The following AHRR variants were observed in gnomAD, a reference collection of about 807,000 sequenced individuals.
AHRR encodes the protein ahR repressor.
AHRR carries 28 observed loss-of-function variants against 44.0 expected under a neutral mutation model. The ratio of observed to expected loss-of-function variants is 0.64; its 90% CI spans 0.47 to 0.87. AHRR has a LOEUF of 0.87. Ranked by LOEUF, AHRR falls within the 40% of genes least tolerant of loss-of-function variation. AHRR has a pLI of 0.00. For synonymous variants in AHRR, 434 were observed against 407.0 expected (o/e 1.07, Z -0.80); for missense variants, 990 against 953.9 (o/e 1.04, Z -0.50).
chr5:366,612 G>A (rs1041650127), intron 3 of AHRR, among the ~76,000 whole-genome samples: 1 of 152,128 alleles, frequency 6.6e-6, no homozygotes, highest in Non-Finnish European at 1.5e-5. Flanking sequence ...GGATGAGACA[G>A]GATTTTTGTA....
intron 4 of AHRR, among the ~76,000 whole-genome samples, chr5:392,498 A>AG (rs1272538287): frequency 6.6e-6 from 1 of 152,144 alleles, no homozygotes; most frequent in African/African-American, 2.4e-5. Flanking sequence ...AGGTGGGTGC[A>AG]GATGTGGCAG....
chr5:368,871 G>A (rs767243908), intron 3 of AHRR, among the ~76,000 whole-genome samples: 35 of 152,238 alleles, frequency 2.3e-4, no homozygotes, highest in Non-Finnish European at 4.0e-4. Context: ...CTGTGAGGAA[G>A]TGTGAAATCT....
chr5:430,952 C>T (rs538094941), intron 8 of AHRR, among the ~76,000 whole-genome samples: 1 of 152,002 alleles, frequency 6.6e-6, no homozygotes, highest in East Asian at 1.9e-4. Flanking sequence ...CATAGGTGCA[C>T]AGAAAAGGAC....
At chr5:391,122 T>G (rs1318894955) in intron 4 of AHRR, among the ~76,000 whole-genome samples, 2 of 152,186 alleles carry the variant, frequency 1.3e-5, no homozygotes, top group African/African-American at 2.4e-5. Context: ...CAACTGAGAC[T>G]TGGGGGCTCC....
intron 4 of AHRR, among the ~76,000 whole-genome samples, chr5:400,197 C>G (rs182026417): frequency 6.6e-6 from 1 of 152,260 alleles, no homozygotes; most frequent in African/African-American, 2.4e-5. Flanking sequence ...CTCATTTTCC[C>G]TCTGCCATGA....
chr5:352,445 G>T, intron 2 of AHRR, among the ~76,000 whole-genome samples: 1 of 145,394 alleles, frequency 6.9e-6, no homozygotes, highest in Middle Eastern at 3.4e-3. Flanking sequence ...TCACTGTGAG[G>T]TTAAATGGGT....
rs991908489 is a variant in AHRR at position 337,258 on chromosome 5, T to C, written c.-10-6635T>C. On this transcript the variant is annotated intron_variant, in intron 1 of 10. Coordinates refer to ENST00000684583, the MANE Select transcript of AHRR (RefSeq NM_001377236.1). The surrounding 1 kb of genome is among the most constrained non-coding windows in gnomAD (Gnocchi z 4.1). The stretch of plus-strand genomic sequence containing the variant: ...CAACCCCAGCCCACTTAGACTCCAC[T>C]GTCCTCCCCACTTTATAGAGAAGCA... Among the ~76,000 whole-genome samples, 3 of 151,948 alleles carry C rather than the reference T, an allele frequency of 2.0e-5. No individual in the cohort carries two copies. Among genetic ancestry groups the C allele is most frequent in the African/African-American group, 7.3e-5 (3 of 41,182 alleles).
intron 4 of AHRR, among the ~76,000 whole-genome samples, chr5:412,169 T>C (rs1253827306): frequency 1.3e-5 from 2 of 152,172 alleles, no homozygotes; most frequent in African/African-American, 4.8e-5. Flanking sequence ...GATTTAATAA[T>C]CATGCAAATA....
At chr5:371,793 G>A (rs943266664) in intron 3 of AHRR, among the ~76,000 whole-genome samples, 1 of 152,196 alleles carries the variant, frequency 6.6e-6, no homozygotes, top group Non-Finnish European at 1.5e-5. Flanking sequence ...TTCCCTAGAG[G>A]GAGTCCTAAA....
chr5:429,993 A>G (rs573113075), intron 8 of AHRR, among the ~76,000 whole-genome samples: 68 of 152,256 alleles, frequency 4.5e-4, no homozygotes, highest in African/African-American at 1.5e-3. Flanking sequence ...TCCTCTGTGC[A>G]TGGACAGCCC....
chr5:426,567 G>A (rs1736403644), intron 7 of AHRR, among the ~76,000 whole-genome samples: 1 of 151,006 alleles, frequency 6.6e-6, no homozygotes, highest in South Asian at 2.1e-4. Flanking sequence ...GGATGAATGG[G>A]AAGATGGATG....
chr5:376,189 G>T (rs1433017173), intron 3 of AHRR, among the ~76,000 whole-genome samples: 1 of 152,092 alleles, frequency 6.6e-6, no homozygotes, highest in Non-Finnish European at 1.5e-5. Context: ...AGTGCCGTGG[G>T]TCTCAGGGGA....
chr5:345,354 C>G (rs1235840934), intron 2 of AHRR, among the ~76,000 whole-genome samples: 10 of 23,150 alleles, frequency 4.3e-4, no homozygotes, highest in Non-Finnish European at 6.3e-4. Context: ...GTGTGTGTGT[C>G]GGATGATGTC....
chr5:356,663 G>A (rs1207040365), intron 3 of AHRR, among the ~76,000 whole-genome samples: 1 of 5,198 alleles, frequency 1.9e-4, no homozygotes, highest in Non-Finnish European at 4.5e-4. Context: ...GAGCGCCCGC[G>A]AGTGGAGGCC....
intron 1 of AHRR, among the ~76,000 whole-genome samples, chr5:325,100 G>T (rs1166718150): frequency 1.3e-5 from 2 of 152,238 alleles, no homozygotes; most frequent in Admixed American, 1.3e-4. Context: ...ACTCGGAAGG[G>T]AGTTTGGGAT....
chr5:354,021 T>G, intron 3 of AHRR, 110 bp downstream of exon 3: 1 of 1,166,364 alleles, frequency 8.6e-7, no homozygotes, highest in East Asian at 2.4e-5. Flanking sequence ...TTGCACCATG[T>G]GCACTCCCTT....
Position 433,837 on chromosome 5 carries a change from C to T in AHRR, c.1113-16C>T, listed in dbSNP as rs2672724. On this transcript the variant is annotated splice_polypyrimidine_tract_variant and intron_variant, in intron 10 of 10. Coordinates refer to ENST00000684583, the MANE Select transcript of AHRR (RefSeq NM_001377236.1). ...TCTTCAGCTGCTGTCAAATGGGCCCCGTCTTTTCTCTGCAGGGACAGGGAG... is the reference window on the plus strand; with the variant it reads ...TCTTCAGCTGCTGTCAAATGGGCCCTGTCTTTTCTCTGCAGGGACAGGGAG... 590,761 of 1,475,628 alleles carry T rather than the reference C, an allele frequency of 0.4. 121,912 individuals are homozygous for T. Among genetic ancestry groups the T allele is most frequent in the African/African-American group, 0.64 (44,232 of 69,176 alleles). 91.4% of individuals were successfully genotyped at this position (1,475,628 alleles called of 1,614,324 possible).
At chr5:427,382 T>G (rs1736464456) in intron 7 of AHRR, among the ~76,000 whole-genome samples, 1 of 152,188 alleles carries the variant, frequency 6.6e-6, no homozygotes. Flanking sequence ...AATTTGGAAA[T>G]GGAGTGTTAA....
chr5:333,712 A>C (rs2175963), intron 1 of AHRR, among the ~76,000 whole-genome samples: 102,171 of 152,040 alleles, frequency 0.67, 35,089 homozygotes, highest in African/African-American at 0.76. Context: ...TTTATAAGTT[A>C]TTTGTTTCTT....
Sources: gnomAD v4.1 joint callset for allele counts (sites outside exome capture counted in the v4.1 genomes callset) on GRCh38, gnomAD v4.1.1 for gene constraint, Gnocchi (gnomAD v3.1) non-coding constraint, MANE v1.5 for transcripts, NCBI Gene and HGNC (gene_info 2026-07-23, HGNC 2026-07-21) for gene names.